The following SGCD variants were observed in gnomAD, a reference collection of about 807,000 sequenced individuals.
The protein encoded by SGCD is delta-sarcoglycan.
Under a neutral mutation model 36.6 loss-of-function variants are expected in SGCD, and 18 were observed. That is an observed-to-expected ratio of 0.49 (90% CI 0.34 to 0.73). SGCD has a LOEUF of 0.73. Ranked by LOEUF, SGCD falls within the 30% of genes least tolerant of loss-of-function variation. The pLI is 0.01. For missense variants in SGCD, 387 were observed against 346.7 expected (o/e 1.12, Z -0.92); for synonymous variants, 133 against 130.6 (o/e 1.02, Z -0.12).
intron 3 of SGCD, among the ~76,000 whole-genome samples, chr5:156,415,825 G>A (rs1773001031): frequency 6.6e-6 from 1 of 152,054 alleles, no homozygotes; most frequent in Non-Finnish European, 1.5e-5. Flanking sequence ...GGTTAAATAG[G>A]GCAAAACTTA....
At chr5:156,474,369 T>G (rs571235462) in intron 3 of SGCD, among the ~76,000 whole-genome samples, 1 of 152,252 alleles carries the variant, frequency 6.6e-6, no homozygotes, top group South Asian at 2.1e-4. Flanking sequence ...GGCTGTGCTA[T>G]GCACTTATGC....
At chr5:156,492,811 G>A (rs1375457357) in intron 3 of SGCD, among the ~76,000 whole-genome samples, 1 of 152,106 alleles carries the variant, frequency 6.6e-6, no homozygotes, top group Non-Finnish European at 1.5e-5. Flanking sequence ...AGAACATGTG[G>A]TGTTTAGTTT....
chr5:155,891,697 A>T (rs1756135273), intron 1 of SGCD, among the ~76,000 whole-genome samples: 1 of 151,310 alleles, frequency 6.6e-6, no homozygotes, highest in Non-Finnish European at 1.5e-5. Flanking sequence ...CTGGCAGAAA[A>T]ATGACATTGA....
chr5:156,091,724 A>G (rs554444134), intron 1 of SGCD, among the ~76,000 whole-genome samples: 1 of 152,220 alleles, frequency 6.6e-6, no homozygotes, highest in East Asian at 1.9e-4. Context: ...TGCATCATCA[A>G]AGAAGATGGT....
At chr5:156,415,859 A>G (rs1250369932) in intron 3 of SGCD, among the ~76,000 whole-genome samples, 1 of 152,224 alleles carries the variant, frequency 6.6e-6, no homozygotes, top group African/African-American at 2.4e-5. Context: ...ACTTCTAATT[A>G]GGGGAAAGTC....
At chr5:155,940,111 A>T (rs537968915) in intron 1 of SGCD, among the ~76,000 whole-genome samples, 48 of 152,274 alleles carry the variant, frequency 3.2e-4, no homozygotes, top group Admixed American at 2.9e-3. Context: ...TGTTGGGATT[A>T]TAGGCGTGAG....
At chr5:156,328,476 T>C (rs1767916091) in intron 1 of SGCD, among the ~76,000 whole-genome samples, 1 of 152,206 alleles carries the variant, frequency 6.6e-6, no homozygotes, top group African/African-American at 2.4e-5. Context: ...TGCATTTACT[T>C]GTGTCCTACA....
At chr5:155,934,802 C>T (rs532561059) in intron 1 of SGCD, among the ~76,000 whole-genome samples, 2 of 152,254 alleles carry the variant, frequency 1.3e-5, no homozygotes, top group African/African-American at 4.8e-5. Context: ...AATGGGGGGC[C>T]ATCTGACCTA....
At chr5:156,379,715 G>T (rs1477696191) in intron 3 of SGCD, among the ~76,000 whole-genome samples, 1 of 152,150 alleles carries the variant, frequency 6.6e-6, no homozygotes, top group African/African-American at 2.4e-5. Context: ...AATAATCCAG[G>T]CTCACAGAGT....
chr5:156,594,856 C>A, intron 5 of SGCD, 76 bp from the exon 6 acceptor site: 2 of 968,128 alleles, frequency 2.1e-6, no homozygotes, highest in African/African-American at 1.6e-5. Context: ...GTAGTCAAAG[C>A]GATGAGACTA....
chr5:156,239,693 A>C (rs1747595686), intron 3 of SGCD, among the ~76,000 whole-genome samples: 1 of 152,194 alleles, frequency 6.6e-6, no homozygotes, highest in South Asian at 2.1e-4. Context: ...AGAGCTACTG[A>C]GTTTATCACC....
intron 3 of SGCD, among the ~76,000 whole-genome samples, chr5:156,453,280 G>T (rs138172668): frequency 6.1e-4 from 93 of 152,062 alleles, no homozygotes; most frequent in Admixed American, 2.0e-3. Context: ...TAGAGCAAAT[G>T]GACAATTTCT....
chr5:156,144,129 G>A (rs1762649642), intron 3 of SGCD, among the ~76,000 whole-genome samples: 1 of 151,912 alleles, frequency 6.6e-6, no homozygotes, highest in Non-Finnish European at 1.5e-5. Context: ...TCTTAATCCA[G>A]TTTATCGTTG....
At chr5:155,730,474 T>TGTGTGTGTGTGTGTGG in the SGCD span, among the ~76,000 whole-genome samples, 1 of 150,908 alleles carries the variant, frequency 6.6e-6, no homozygotes, top group African/African-American at 2.4e-5. Flanking sequence ...TGTGTGTGTG[T>TGTGTGTGTGTGTGTGG]GGCGAGGGGA....
intron 3 of SGCD, among the ~76,000 whole-genome samples, chr5:156,483,148 G>A (rs911498441): frequency 6.6e-6 from 1 of 152,150 alleles, no homozygotes. Flanking sequence ...TCTGGGCAGA[G>A]GGAGTAGCAG....
intron 3 of SGCD, among the ~76,000 whole-genome samples, chr5:156,257,461 G>T (rs1268603288): frequency 1.3e-5 from 2 of 152,098 alleles, no homozygotes; most frequent in Non-Finnish European, 2.9e-5. Flanking sequence ...GCGACAGAGC[G>T]AGACTCCGTC....
intron 4 of SGCD, among the ~76,000 whole-genome samples, chr5:156,570,005 A>G (rs1203202656): frequency 2.0e-5 from 3 of 152,168 alleles, no homozygotes; most frequent in Non-Finnish European, 4.4e-5. Context: ...TTTTTCCCCC[A>G]TGAGAGTGAC....
intron 4 of SGCD, among the ~76,000 whole-genome samples, chr5:156,510,043 A>T (rs1756863868): frequency 2.0e-5 from 3 of 152,216 alleles, no homozygotes; most frequent in Admixed American, 6.5e-5. Context: ...GGCTGATTTT[A>T]TCTGAATGTT....
intron 1 of SGCD, among the ~76,000 whole-genome samples, chr5:155,897,728 G>A (rs1473066592): frequency 6.6e-6 from 1 of 151,636 alleles, no homozygotes; most frequent in African/African-American, 2.4e-5. Flanking sequence ...ACACACGTTA[G>A]TATTGGCCTA....
Sources: gnomAD v4.1 joint callset for allele counts (sites outside exome capture counted in the v4.1 genomes callset) on GRCh38, gnomAD v4.1.1 for gene constraint, MANE v1.5 for transcripts, NCBI Gene and HGNC (gene_info 2026-07-23, HGNC 2026-07-21) for gene names.